The following AFF2 variants were observed in gnomAD, a reference collection of about 807,000 sequenced individuals.
AFF2 encodes ALF transcription elongation factor 2.
Under a neutral mutation model 76.9 loss-of-function variants are expected in AFF2, and 14 were observed. The observed-to-expected ratio is 0.18, with a 90% CI of 0.12 to 0.28. AFF2 has a LOEUF of 0.28. Ranked by LOEUF, AFF2 falls within the 10% of genes least tolerant of loss-of-function variation. The pLI is 1.00. For missense variants in AFF2, 868 were observed against 1,001.1 expected (o/e 0.87, Z 1.79); for synonymous variants, 398 against 366.7 (o/e 1.09, Z -0.98).
intron 20 of AFF2, among the ~76,000 whole-genome samples, chrX:148,989,223 C>A (rs2072508126): frequency 8.9e-6 from 1 of 112,798 alleles, no homozygotes; most frequent in Non-Finnish European, 1.9e-5. Flanking sequence ...TCTGCTATTT[C>A]TCTCTTATTT....
At position 148,890,318 on chromosome X, in the gene AFF2, C is replaced by A. The variant is rs141900511; in HGVS notation, c.1359+4333C>A. ...TCTCTTACCAGTAGACTGGAATAAA[C>A]CAGCCTTGTCTAACTCATGGAGTAC... On this transcript the variant is annotated intron_variant, in intron 8 of 20. Coordinates refer to ENST00000370460, the MANE Select transcript of AFF2 (RefSeq NM_002025.4). Among the ~76,000 whole-genome samples the A allele has an allele frequency of 5.8e-3, 651 of 112,142 alleles. 3 individuals are homozygous for A. The highest frequency in any genetic ancestry group is 0.02 in the African/African-American group (626 of 30,950).
At chrX:148,786,550 G>C (rs1369037902) in intron 3 of AFF2, among the ~76,000 whole-genome samples, 2 of 111,678 alleles carry the variant, frequency 1.8e-5, no homozygotes, top group Non-Finnish European at 3.8e-5. Flanking sequence ...CCATTCTTGT[G>C]TCCGCATATC....
intron 3 of AFF2, among the ~76,000 whole-genome samples, chrX:148,693,095 T>A (rs2054670842): frequency 1.8e-5 from 2 of 110,906 alleles, no homozygotes; most frequent in African/African-American, 6.6e-5. Context: ...TTTTTTGTAT[T>A]TTTAGTAGAG....
chrX:148,570,583 T>C (rs782755704), intron 1 of AFF2, among the ~76,000 whole-genome samples: 1 of 111,815 alleles, frequency 8.9e-6, no homozygotes, highest in Non-Finnish European at 1.9e-5. Flanking sequence ...ACACAGGACG[T>C]TCTCCCTTTG....
chrX:148,978,529 G>A (rs1557290554), intron 18 of AFF2, 74 bp downstream of exon 18: 3 of 754,191 alleles, frequency 4.0e-6, no homozygotes, highest in Non-Finnish European at 4.0e-6. Context: ...GCAGGTTATC[G>A]AATGTCAAAT....
chrX:148,987,037 T>G (rs1362835708), intron 19 of AFF2, among the ~76,000 whole-genome samples: 1 of 111,136 alleles, frequency 9.0e-6, no homozygotes, highest in African/African-American at 3.3e-5. Context: ...GGCCTCATTC[T>G]ATAGTGTGGC....
At chrX:148,600,104 C>G (rs1390451383) in intron 1 of AFF2, among the ~76,000 whole-genome samples, 1 of 112,446 alleles carries the variant, frequency 8.9e-6, no homozygotes, top group Non-Finnish European at 1.9e-5. Context: ...ATGTGTGACT[C>G]TTCCACATTT....
chrX:148,895,344 C>T (rs1201930895), intron 8 of AFF2, among the ~76,000 whole-genome samples: 3 of 111,659 alleles, frequency 2.7e-5, no homozygotes, highest in Non-Finnish European at 5.6e-5. Flanking sequence ...TTCACACAGA[C>T]AATGAGGGAA....
intron 9 of AFF2, among the ~76,000 whole-genome samples, chrX:148,919,800 A>G (rs2071572995): frequency 8.9e-6 from 1 of 111,779 alleles, no homozygotes; most frequent in African/African-American, 3.2e-5. Flanking sequence ...GATCCATAAT[A>G]TAATCTTTTC....
intron 3 of AFF2, among the ~76,000 whole-genome samples, chrX:148,708,323 C>T (rs2054911771): frequency 8.9e-6 from 1 of 111,914 alleles, no homozygotes; most frequent in Non-Finnish European, 1.9e-5. Context: ...AAGCTGCCTC[C>T]TGTCACTCCA....
chrX:148,641,811 C>A lies in AFF2; in HGVS notation c.48-10188C>A, dbSNP rs139844622. On this transcript the variant is annotated intron_variant, in intron 1 of 20. Coordinates refer to ENST00000370460, the MANE Select transcript of AFF2 (RefSeq NM_002025.4). ...TCTGCCTTTACCTTCACATAGAGTT[C>A]TCTCTGGGTTTCTGTTTTCACATCT... Among the ~76,000 whole-genome samples the A allele has an allele frequency of 4.1e-3, 454 of 111,898 alleles. 3 individuals are homozygous for A. Among genetic ancestry groups the A allele is most frequent in the African/African-American group, 0.014 (418 of 30,764 alleles).
chrX:148,934,535 T>C (rs2071750351), intron 9 of AFF2, among the ~76,000 whole-genome samples: 2 of 112,555 alleles, frequency 1.8e-5, no homozygotes, highest in Middle Eastern at 4.6e-3. Flanking sequence ...ATGACAGATA[T>C]CTTACTTAAA....
At chrX:148,673,173 T>C (rs2054443679) in intron 3 of AFF2, among the ~76,000 whole-genome samples, 1 of 111,539 alleles carries the variant, frequency 9.0e-6, no homozygotes, top group African/African-American at 3.3e-5. Flanking sequence ...ACTGTGAAAA[T>C]AAATGAACTA....
At chrX:148,604,396 A>G (rs1234771615) in intron 1 of AFF2, among the ~76,000 whole-genome samples, 2 of 112,307 alleles carry the variant, frequency 1.8e-5, no homozygotes, top group East Asian at 5.6e-4. Context: ...TTTATTTTTT[A>G]TTTTTATTTT....
intron 9 of AFF2, among the ~76,000 whole-genome samples, chrX:148,907,567 C>T (rs969416898): frequency 1.2e-4 from 13 of 111,051 alleles, no homozygotes; most frequent in Non-Finnish European, 2.3e-4. Flanking sequence ...CCCCCCAAGC[C>T]GCAAAACCAG....
chrX:148,996,225 C>T lies in AFF2; in HGVS notation c.*4893C>T, dbSNP rs1014886007. 1 of 112,414 alleles carries T rather than the reference C, an allele frequency of 8.9e-6. No homozygotes were observed. Among genetic ancestry groups the T allele is most frequent in the African/African-American group, 3.2e-5 (1 of 30,962 alleles). The allele number at this position is 112,414 out of a possible 1,213,427, so 9.3% of individuals were successfully genotyped here. On this transcript the variant is annotated 3_prime_UTR_variant, in exon 21 of 21. Transcript: ENST00000370460. ...GTAAGCAAAATTGGAGACACTCCAA[C>T]GAGGCTAAGTTAATGCCGTGTTGCC...
rs60032031 is a variant in AFF2, at chrX:148,824,060, C to CCTCTCTCTCTCT, written c.1087-13574_1087-13563dup. On this transcript the variant is annotated intron_variant, in intron 4 of 20. Transcript: ENST00000370460. Reference sequence around the variant, plus strand: ...CCCAGGAATTGATTCATATTTGCTTCCTCTCTCTCTCTCTCTCTCTCTCTT... The same window carrying CCTCTCTCTCTCT: ...CCCAGGAATTGATTCATATTTGCTTCCTCTCTCTCTCTCTCTCTCTCTCTCTCTCTCTCTCTT... 9.2e-3 allele frequency among the ~76,000 whole-genome samples: 886 copies of CCTCTCTCTCTCT among 96,635 alleles called. 17 individuals are homozygous for CCTCTCTCTCTCT. Among genetic ancestry groups the CCTCTCTCTCTCT allele is most frequent in the African/African-American group, 0.032 (815 of 25,152 alleles). 83.9% of individuals were successfully genotyped at this position (96,635 alleles called of 115,157 possible).
rs782640402 is a variant in AFF2 at position 148,779,739 on chromosome X, C to T, written c.1042-30137C>T. 3.6e-5 allele frequency among the ~76,000 whole-genome samples: 4 copies of T among 111,896 alleles called. No homozygotes were observed. The South Asian group carries it at 1.1e-3, about 32-fold the overall frequency. ...TGTCTTTTAATTGGGGCATTTAGCC[C>T]GTTTACATTTAAGGTTAATATTGTT... On this transcript the variant is annotated intron_variant, in intron 3 of 20. Transcript: ENST00000370460.
At chrX:148,776,915 C>T (rs1175400931) in intron 3 of AFF2, among the ~76,000 whole-genome samples, 1 of 112,044 alleles carries the variant, frequency 8.9e-6, no homozygotes, top group Non-Finnish European at 1.9e-5. Context: ...GTGTTTTAGT[C>T]ATAAAGTCTT....
Sources: allele counts gnomAD v4.1 joint callset (sites outside exome capture counted in the v4.1 genomes callset), GRCh38; gene constraint gnomAD v4.1.1; transcripts MANE v1.5; gene names NCBI Gene and HGNC (gene_info 2026-07-23, HGNC 2026-07-21).